The following CCDC43 variants were observed in gnomAD, a reference collection of about 807,000 sequenced individuals.
CCDC43 encodes the protein coiled-coil domain-containing protein 43.
A neutral mutation model predicts 33.3 loss-of-function variants in CCDC43; 20 were observed. The observed-to-expected ratio is 0.60, with a 90% CI of 0.42 to 0.87. The LOEUF (loss-of-function observed/expected upper bound fraction) is 0.87. Among genes scored for constraint, CCDC43 ranks in the 40% least tolerant of loss-of-function variants. The pLI is 0.00. For synonymous variants in CCDC43, 104 were observed against 106.5 expected (o/e 0.98, Z 0.14); for missense variants, 248 against 269.9 (o/e 0.92, Z 0.57).
In CCDC43 at chr17:44,689,655, C is replaced by T; in HGVS notation, c.99G>A (p.Leu33=). 1 of 1,613,752 alleles carries T rather than the reference C, an allele frequency of 6.2e-7. No homozygotes were observed. ...GSWLDGRLEA[L]GVDRAVYGAY... Reference sequence around the variant, plus strand: ...CTCCATAAACGGCTCGGTCCACTCCCAGTGCCTCCAACCGTCCGTCCAGCC... The same window carrying T: ...CTCCATAAACGGCTCGGTCCACTCCTAGTGCCTCCAACCGTCCGTCCAGCC... The change falls in exon 1 of 5, where the codon CTG becomes CTA. Residue 33 remains leucine, a synonymous_variant. Transcript: ENST00000315286.
At chr17:44,687,844 G>A (rs114727183) in intron 1 of CCDC43, 6 of 152,146 alleles carry the variant, frequency 3.9e-5, no homozygotes. Context: ...CCACTGTCTT[G>A]TATTTCCAGT....
At chr17:44,680,519 C>A in intron 4 of CCDC43, 66 bp downstream of exon 4, 1 of 1,205,936 alleles carries the variant, frequency 8.3e-7, no homozygotes, top group Non-Finnish European at 1.2e-6. Context: ...GCAATGACAG[C>A]AAAATAAAAA....
rs1314074286 is a variant in CCDC43 at position 44,678,435 on chromosome 17, C to CT, written c.*420dup. The CT allele has an allele frequency of 6.4e-6, 1 of 155,042 alleles. No individual in the cohort carries two copies. The highest frequency in any genetic ancestry group is 1.9e-4 in the East Asian group (1 of 5,284). 9.6% of individuals were successfully genotyped at this position (155,042 alleles called of 1,614,324 possible). A position where few individuals can be genotyped will look rare whatever the true frequency, so the allele number is the denominator to read the frequency against. On this transcript the variant is annotated 3_prime_UTR_variant, in exon 5 of 5. Transcript: ENST00000315286. ...ATTTCAGCCATAAAACAATACTACA[C>CT]TTACAGCTGAATACTGACTCCAAAG... is the stretch of plus-strand genomic sequence containing the variant.
intron 1 of CCDC43, among the ~76,000 whole-genome samples, chr17:44,685,250 T>G (rs1487806655): frequency 1.3e-5 from 2 of 152,190 alleles, no homozygotes; most frequent in Non-Finnish European, 2.9e-5. Context: ...AAAACTCCTC[T>G]GTGAAATATT....
chr17:44,680,930 T>C (rs960653909), intron 3 of CCDC43, among the ~76,000 whole-genome samples: 1 of 152,228 alleles, frequency 6.6e-6, no homozygotes, highest in Non-Finnish European at 1.5e-5. Flanking sequence ...GTTCTCAAAG[T>C]GTGGTTCACA....
rs1361279570 is a variant in CCDC43 at position 44,679,029 on chromosome 17, T to G, written c.502A>C (p.Thr168Pro). The G allele has an allele frequency of 6.2e-7, 1 of 1,613,718 alleles. No homozygotes were observed. Among genetic ancestry groups the G allele is most frequent in the South Asian group, 1.1e-5 (1 of 91,072 alleles). ...GCATTAAGGACATCTTCCACATTGG[T>G]GTTTCGGAACAGAACTACAGGTGAG... ...IGSDKLLFRNTNVEDVLNARK... is the reference protein window; with the variant it reads ...IGSDKLLFRNPNVEDVLNARK... Residue 168 changes from threonine to proline, a missense_variant, in exon 5 of 5, where the codon ACC becomes CCC. Thr to Pro is a conservative substitution (Grantham distance 38). Coordinates refer to ENST00000315286, the MANE Select transcript of CCDC43 (RefSeq NM_144609.3).
intron 1 of CCDC43, chr17:44,687,515 T>C (rs954019586): frequency 3.3e-5 from 5 of 151,996 alleles, no homozygotes; most frequent in Non-Finnish European, 7.4e-5. Flanking sequence ...TCCTAGCTAC[T>C]TGGGAGGCTG....
At chr17:44,685,770 T>A (rs1171120740) in intron 1 of CCDC43, among the ~76,000 whole-genome samples, 2 of 152,240 alleles carry the variant, frequency 1.3e-5, no homozygotes, top group Non-Finnish European at 2.9e-5. Context: ...AACTCTCAAT[T>A]ATTAAAATAA....
In CCDC43 at chr17:44,680,576, G is replaced by A. The variant is rs1972144053; in HGVS notation, c.487+9C>T. ...GGAGAAACACATAGGGAGGGACCCAGAAGGATACGTTTGTCAGAACCAATG... is the reference window on the plus strand; with the variant it reads ...GGAGAAACACATAGGGAGGGACCCAAAAGGATACGTTTGTCAGAACCAATG... On this transcript the variant is annotated intron_variant, in intron 4 of 4. Coordinates refer to ENST00000315286, the MANE Select transcript of CCDC43 (RefSeq NM_144609.3). The A allele has an allele frequency of 6.3e-7, 1 of 1,599,660 alleles. No homozygotes were observed. Among genetic ancestry groups the A allele is most frequent in the Admixed American group, 1.7e-5 (1 of 59,932 alleles).
At chr17:44,680,505 G>A (rs1005547509) in intron 4 of CCDC43, 80 bp downstream of exon 4, 23 of 1,033,844 alleles carry the variant, frequency 2.2e-5, no homozygotes, top group African/African-American at 1.1e-4. Context: ...AAGGGGAGCC[G>A]CCAGCAATGA....
intron 1 of CCDC43, among the ~76,000 whole-genome samples, chr17:44,685,864 A>G (rs1972226859): frequency 6.6e-6 from 1 of 152,264 alleles, no homozygotes; most frequent in Non-Finnish European, 1.5e-5. Flanking sequence ...AGGTCTTACA[A>G]GTAATAATGG....
intron 3 of CCDC43, among the ~76,000 whole-genome samples, 167 bp from the exon 4 acceptor site, chr17:44,680,810 A>C (rs1972147764): frequency 6.6e-6 from 1 of 152,202 alleles, no homozygotes; most frequent in Non-Finnish European, 1.5e-5. Flanking sequence ...CAACTTAGGA[A>C]AGATTGATAT....
intron 1 of CCDC43, among the ~76,000 whole-genome samples, chr17:44,687,490 G>A (rs1972256387): frequency 6.6e-6 from 1 of 151,994 alleles, no homozygotes; most frequent in South Asian, 2.1e-4. Context: ...GATATGTGAT[G>A]GCAGGTGCCT....
Position 44,689,699 on chromosome 17 carries a change from C to G in CCDC43, c.55G>C (p.Gly19Arg). Residue 19 changes from glycine (G) to arginine (R), a missense_variant, in exon 1 of 5, where the codon GGC becomes CGC. Gly to Arg is a moderately radical substitution (Grantham distance 125). Transcript: ENST00000315286. The stretch of plus-strand genomic sequence containing the variant: ...TCCAGCCAGGAGCCAAAGCCGCCGC[C>G]TCCGCCATCGCCTTCGCCAGGGGCT... ...AIAPGEGDGGGGGFGSWLDGR... is the reference protein window; with the variant it reads ...AIAPGEGDGGRGGFGSWLDGR... The G allele has an allele frequency of 6.2e-7, 1 of 1,605,504 alleles. No individual in the cohort carries two copies. Among genetic ancestry groups the G allele is most frequent in the Non-Finnish European group, 8.5e-7 (1 of 1,176,522 alleles).
intron 1 of CCDC43, among the ~76,000 whole-genome samples, chr17:44,686,229 C>G (rs531723346): frequency 6.6e-6 from 1 of 152,286 alleles, no homozygotes; most frequent in South Asian, 2.1e-4. Flanking sequence ...ATGTTCTTAA[C>G]CATCTCCCAA....
At chr17:44,682,595 C>A (rs779697863) in intron 2 of CCDC43, among the ~76,000 whole-genome samples, 11 of 152,102 alleles carry the variant, frequency 7.2e-5, no homozygotes, top group Admixed American at 1.3e-4. Context: ...CGGTGGCTCA[C>A]GCCTGTAATC....
At chr17:44,681,118 C>G (rs190913667) in intron 3 of CCDC43, among the ~76,000 whole-genome samples, 5 of 152,164 alleles carry the variant, frequency 3.3e-5, no homozygotes. Context: ...GCTCTGCCAA[C>G]CCTGGCAAGA....
intron 4 of CCDC43, among the ~76,000 whole-genome samples, chr17:44,679,810 C>T (rs1972129321): frequency 6.6e-6 from 1 of 151,866 alleles, no homozygotes; most frequent in Admixed American, 6.6e-5. Context: ...AGGAGAATCA[C>T]TTTAACCCAG....
chr17:44,683,831 GA>G, intron 2 of CCDC43, 40 bp downstream of exon 2: 1 of 1,383,988 alleles, frequency 7.2e-7, no homozygotes, highest in Non-Finnish European at 1.0e-6. Context: ...AAGGCTGCTG[GA>G]AAAGGCTCAG....
Sources: allele counts gnomAD v4.1 joint callset (sites outside exome capture counted in the v4.1 genomes callset), GRCh38; gene constraint gnomAD v4.1.1; transcripts MANE v1.5; gene names NCBI Gene and HGNC (gene_info 2026-07-23, HGNC 2026-07-21).